The following ZNF280C variants were observed in gnomAD, a reference collection of about 807,000 sequenced individuals.
ZNF280C encodes the protein zinc finger protein 280C, also known as suppressor of hairy wing homolog 3.
A neutral mutation model predicts 53.6 loss-of-function variants in ZNF280C; 14 were observed. That is an observed-to-expected ratio of 0.26 (90% CI 0.17 to 0.41). ZNF280C has a LOEUF of 0.41. ZNF280C is among the 10% of genes least tolerant of loss of function. The probability of loss-of-function intolerance (pLI) is 1.00; values close to 1 mark genes in which losing one functional copy is unlikely to be tolerated. For synonymous variants in ZNF280C, 203 were observed against 181.1 expected (o/e 1.12, Z -0.97); for missense variants, 416 against 547.1 (o/e 0.76, Z 2.39).
intron 16 of ZNF280C, among the ~76,000 whole-genome samples, chrX:130,206,842 T>C (rs2031981169): frequency 8.9e-6 from 1 of 112,191 alleles, no homozygotes; most frequent in South Asian, 3.7e-4. Flanking sequence ...TATCTCTGAC[T>C]TTCTTCTTAC....
At chrX:130,246,590 G>C (rs1379851632) in intron 3 of ZNF280C, among the ~76,000 whole-genome samples, 1 of 111,860 alleles carries the variant, frequency 8.9e-6, no homozygotes, top group Admixed American at 9.5e-5. Flanking sequence ...ATCTCAGAAG[G>C]CTTACAATGC....
At position 130,209,718 on chromosome X, in the gene ZNF280C, G is replaced by A. The variant is rs370970424; in HGVS notation, c.1980-3C>T. The A allele has an allele frequency of 1.4e-4, 167 of 1,190,568 alleles. 2 individuals carry two copies. The African/African-American group carries it at 2.5e-3, about 18-fold the overall frequency. On this transcript the variant is annotated splice_polypyrimidine_tract_variant and splice_region_variant and intron_variant, in intron 15 of 18. Coordinates refer to ENST00000370978, the MANE Select transcript of ZNF280C (RefSeq NM_017666.5). ...TACCTGGATGGTTGCTATGAGAGCT[G>A]GAGAAACACGAGACAAACAAGATTT...
At chrX:130,230,770 A>G (rs1325936883) in intron 8 of ZNF280C, 43 bp from the exon 9 acceptor site, 11 of 900,040 alleles carry the variant, frequency 1.2e-5, no homozygotes, top group Non-Finnish European at 1.7e-5. Context: ...CAGCTCTTTT[A>G]AAGATTAGAT....
intron 1 of ZNF280C, among the ~76,000 whole-genome samples, chrX:130,268,203 A>C (rs944799305): frequency 1.8e-5 from 2 of 111,470 alleles, no homozygotes; most frequent in Admixed American, 9.5e-5. Flanking sequence ...TGTGACAGAG[A>C]AGGGAAGTCC....
chrX:130,243,685 A>G lies in ZNF280C; in HGVS notation c.259T>C (p.Phe87Leu), dbSNP rs1245709532. 1 of 1,207,626 alleles carries G rather than the reference A, an allele frequency of 8.3e-7. No individual in the cohort carries two copies. The highest frequency in any genetic ancestry group is 1.1e-6 in the Non-Finnish European group (1 of 893,610). The change falls in exon 5 of 19, where the codon TTC becomes CTC. Residue 87 changes from phenylalanine (F) to leucine (L), a missense_variant. By Grantham distance (22) the Phe-to-Leu change is conservative. Around this residue, in one of 3 missense-constraint regions of ZNF280C, gnomAD observed 193 missense variants for 201.4 expected, o/e 0.96. Coordinates refer to ENST00000370978, the MANE Select transcript of ZNF280C (RefSeq NM_017666.5). ...CTGCAGCGTTGACTTGCAGTCCTGA[A>G]TATTTCAGGAATACCTGTATTTTAA... is the stretch of plus-strand genomic sequence containing the variant. ...EPHSPGIPEIFRTASQRCRDP... is the reference protein window; with the variant it reads ...EPHSPGIPEILRTASQRCRDP...
chrX:130,211,312 G>C (rs762224276), intron 15 of ZNF280C, among the ~76,000 whole-genome samples: 3 of 112,391 alleles, frequency 2.7e-5, no homozygotes, highest in African/African-American at 9.7e-5. Context: ...GGTGAAACGA[G>C]AGGAAGGAGA....
intron 15 of ZNF280C, among the ~76,000 whole-genome samples, chrX:130,212,207 C>G (rs1185994368): frequency 8.9e-6 from 1 of 111,847 alleles, no homozygotes; most frequent in Non-Finnish European, 1.9e-5. Flanking sequence ...CTGAAACAGA[C>G]TGAGCTTAAA....
chrX:130,210,254 C>T (rs183996144), intron 15 of ZNF280C, among the ~76,000 whole-genome samples: 104 of 112,149 alleles, frequency 9.3e-4, no homozygotes, highest in Non-Finnish European at 1.7e-3. Flanking sequence ...ACTTACATTC[C>T]ACTTTACCTT....
chrX:130,214,491 A>G (rs1240690002), intron 15 of ZNF280C, among the ~76,000 whole-genome samples: 1 of 111,419 alleles, frequency 9.0e-6, no homozygotes, highest in African/African-American at 3.3e-5. Context: ...TCTCAAAGTG[A>G]TCGCTGTGAA....
At chrX:130,243,413 G>A (rs1432304505) in intron 5 of ZNF280C, 150 bp downstream of exon 5, 1 of 571,599 alleles carries the variant, frequency 1.7e-6, no homozygotes, top group African/African-American at 2.3e-5. Context: ...CGAACTCCTG[G>A]GCTCAAGCGA....
At chrX:130,209,465 C>T (rs1326299102) in intron 16 of ZNF280C, among the ~76,000 whole-genome samples, 188 bp downstream of exon 16, 1 of 111,901 alleles carries the variant, frequency 8.9e-6, no homozygotes, top group African/African-American at 3.2e-5. Flanking sequence ...AACGCAAATA[C>T]ATGAAGGTTT....
Position 130,204,354 on chromosome X carries a change from T to A in ZNF280C, c.*623A>T, listed in dbSNP as rs1291367580. ...TCTGGCCAAATCAGCATCAGCCTTA[T>A]GGGAGGTCAGTCAGGTAGGAAGGGA... On this transcript the variant is annotated 3_prime_UTR_variant, in exon 19 of 19. Coordinates refer to ENST00000370978, the MANE Select transcript of ZNF280C (RefSeq NM_017666.5). 1 of 112,361 alleles carries A rather than the reference T, an allele frequency of 8.9e-6. No homozygotes were observed. Among genetic ancestry groups the A allele is most frequent in the Non-Finnish European group, 1.9e-5 (1 of 53,290 alleles). The allele number at this position is 112,361 out of a possible 1,213,427, so 9.3% of individuals were successfully genotyped here.
rs549019510 is a variant in ZNF280C, at chrX:130,233,081, TA to T, written c.772-2355del. Among the ~76,000 whole-genome samples the T allele has an allele frequency of 4.2e-4, 47 of 111,768 alleles. No homozygotes were observed. In the South Asian group the frequency reaches 0.018, roughly 42 times the overall value. ...ACATGTATGGATTTGGAAAACATGC[TA>T]AAGAAAATAAGACAGTCACAGACAG... On this transcript the variant is annotated intron_variant, in intron 8 of 18. Coordinates refer to ENST00000370978, the MANE Select transcript of ZNF280C (RefSeq NM_017666.5).
chrX:130,208,376 C>T (rs1035136466), intron 16 of ZNF280C, among the ~76,000 whole-genome samples: 52 of 111,571 alleles, frequency 4.7e-4, no homozygotes, highest in African/African-American at 1.6e-3. Context: ...GTGATCCACC[C>T]GCCTTGGCCT....
At position 130,204,998 on chromosome X, in the gene ZNF280C, A is replaced by AT; in HGVS notation, c.2199-7_2199-6insA. On this transcript the variant is annotated splice_polypyrimidine_tract_variant and splice_region_variant and intron_variant, in intron 18 of 18. Transcript: ENST00000370978. ...GAATCTATTTCAATGAGCAGCTTTA[A>AT]GAAAAAAAAAAAAAAACTTTAATAT... The AT allele has an allele frequency of 9.5e-7, 1 of 1,051,281 alleles. No individual in the cohort carries two copies. Among genetic ancestry groups the AT allele is most frequent in the Non-Finnish European group, 1.2e-6 (1 of 809,878 alleles). The allele number at this position is 1,051,281 out of a possible 1,213,427, so 86.6% of individuals were successfully genotyped here.
Position 130,203,199 on chromosome X carries a change from AAAAC to A in ZNF280C, c.*1774_*1777del, listed in dbSNP as rs1156439378. The A allele has an allele frequency of 8.9e-6, 1 of 111,940 alleles. No individual in the cohort carries two copies. The highest frequency in any genetic ancestry group is 9.5e-5 in the Admixed American group (1 of 10,473). The allele number at this position is 111,940 out of a possible 1,213,427, so 9.2% of individuals were successfully genotyped here. ...ATGTCTTGGAGTTTGTAATAAGAAC[AAAAC>A]AAACACAAAGAGAAGAGTTCAAAAG... On this transcript the variant is annotated 3_prime_UTR_variant, in exon 19 of 19. Transcript: ENST00000370978.
At chrX:130,257,715 C>T (rs1297425497) in intron 2 of ZNF280C, among the ~76,000 whole-genome samples, 6 of 111,922 alleles carry the variant, frequency 5.4e-5, no homozygotes, top group South Asian at 7.4e-4. Context: ...TCACTCCCTC[C>T]CTTCAAGAGA....
intron 13 of ZNF280C, among the ~76,000 whole-genome samples, chrX:130,219,782 G>A (rs1009483104): frequency 9.2e-6 from 1 of 109,224 alleles, no homozygotes; most frequent in Non-Finnish European, 1.9e-5. Context: ...CTGACAACTG[G>A]AATAGCTCAA....
chrX:130,235,047 AG>A (rs1349486761), intron 8 of ZNF280C, among the ~76,000 whole-genome samples: 3 of 111,527 alleles, frequency 2.7e-5, no homozygotes, highest in Non-Finnish European at 5.6e-5. Flanking sequence ...AGGTTTTCAC[AG>A]GGTAATGCGA....
Sources: allele counts gnomAD v4.1 joint callset (sites outside exome capture counted in the v4.1 genomes callset), GRCh38; gene constraint gnomAD v4.1.1; regional missense constraint gnomAD v4.1.1; transcripts MANE v1.5; gene names NCBI Gene and HGNC (gene_info 2026-07-23, HGNC 2026-07-21).